Variants in PRDM1 observed in about 807,000 individuals in gnomAD.
PRDM1 encodes the protein PR/SET domain 1, also known as PR domain zinc finger protein 1.
PRDM1 carries 13 observed loss-of-function variants against 62.8 expected under a neutral mutation model. That is an observed-to-expected ratio of 0.21 (90% CI 0.13 to 0.33). The LOEUF (loss-of-function observed/expected upper bound fraction) is 0.33. PRDM1 is among the 10% of genes least tolerant of loss of function. The pLI is 1.00. For synonymous variants in PRDM1, 396 were observed against 417.6 expected, an observed-to-expected ratio of 0.95 and a Z score of 0.63; for missense variants, 895 against 1,058.8, an observed-to-expected ratio of 0.85 and a Z score of 2.15.
Position 106,108,397 on chromosome 6 carries a change from TGAA to T in PRDM1, c.*918_*920del, listed in dbSNP as rs1389168620. 1.3e-5 allele frequency: 3 copies of T among 233,064 alleles called. No individual in the cohort carries two copies. The highest frequency in any genetic ancestry group is 1.7e-5 in the Non-Finnish European group (2 of 117,946). The allele number at this position is 233,064 out of a possible 1,614,324, so 14.4% of individuals were successfully genotyped here. On this transcript the variant is annotated 3_prime_UTR_variant, in exon 7 of 7. Transcript: ENST00000369096. ...GCATCCATTGTATTATCAGAAAATGTGAAGAAGAAAAAAATGCCATGTTTTAAA... is the reference window on the plus strand; with the variant it reads ...GCATCCATTGTATTATCAGAAAATGTGAAGAAAAAAATGCCATGTTTTAAA...
At chr6:106,103,133 C>G (rs918935018) in intron 4 of PRDM1, among the ~76,000 whole-genome samples, 9 of 152,158 alleles carry the variant, frequency 5.9e-5, no homozygotes, top group Non-Finnish European at 8.8e-5. Flanking sequence ...ATCACGGCCC[C>G]CCCGTCAGCA....
At chr6:106,009,044 T>C (rs1772513724) in intron 1 of PRDM1, among the ~76,000 whole-genome samples, 1 of 152,226 alleles carries the variant, frequency 6.6e-6, no homozygotes, top group African/African-American at 2.4e-5. Flanking sequence ...GCAGTGGTTA[T>C]ATTCTGCCAC....
At chr6:106,034,178 T>TTTTTTGGTTATCTTTTAAGAACTAGTG (rs1772890609) in intron 1 of PRDM1, among the ~76,000 whole-genome samples, 1 of 152,070 alleles carries the variant, frequency 6.6e-6, no homozygotes, top group Non-Finnish European at 1.5e-5. Context: ...GATTTGCCCC[T>TTTTTTGGTTATCTTTTAAGAACTAGTG]TTTTTGGTTA....
At chr6:106,064,674 C>T (rs1317489117) in intron 1 of PRDM1, among the ~76,000 whole-genome samples, 2 of 152,106 alleles carry the variant, frequency 1.3e-5, no homozygotes, top group Non-Finnish European at 1.5e-5. Context: ...CAGATGTTTC[C>T]AGAGCTGGTT....
chr6:106,006,144 G>A (rs1306029938), intron 1 of PRDM1, among the ~76,000 whole-genome samples: 2 of 152,202 alleles, frequency 1.3e-5, no homozygotes, highest in Non-Finnish European at 2.9e-5. Flanking sequence ...TCTGGGGACA[G>A]CAGGAACTTG....
At chr6:105,997,569 C>T (rs987075151) in intron 1 of PRDM1, among the ~76,000 whole-genome samples, 3 of 152,218 alleles carry the variant, frequency 2.0e-5, no homozygotes, top group Non-Finnish European at 4.4e-5. Context: ...GTCTCCTTAA[C>T]GGGTTAGCGG....
At chr6:105,997,559 G>T (rs932863664) in intron 1 of PRDM1, among the ~76,000 whole-genome samples, 1 of 152,164 alleles carries the variant, frequency 6.6e-6, no homozygotes, top group Admixed American at 6.5e-5. Context: ...GCCTAGTCTT[G>T]TCTCCTTAAC....
chr6:106,063,690 C>A (rs937196347), intron 1 of PRDM1, among the ~76,000 whole-genome samples: 1 of 152,134 alleles, frequency 6.6e-6, no homozygotes, highest in African/African-American at 2.4e-5. Context: ...TTGACCAAAT[C>A]ATTTGTTAGC....
At chr6:106,083,817 T>G (rs1773739232), upstream of PRDM1, among the ~76,000 whole-genome samples, 1 of 152,200 alleles carries the variant, frequency 6.6e-6, no homozygotes, top group South Asian at 2.1e-4. Flanking sequence ...AAACAAACCC[T>G]TTGAGACATA....
chr6:106,069,764 G>A (rs775941037), intron 1 of PRDM1, among the ~76,000 whole-genome samples: 1 of 152,154 alleles, frequency 6.6e-6, no homozygotes, highest in Non-Finnish European at 1.5e-5. Flanking sequence ...ATGCACTCTC[G>A]TGTGCTCCAC....
Position 105,998,235 on chromosome 6 carries a change from C to T in PRDM1, c.-67+4596C>T, listed in dbSNP as rs571821827. Among the ~76,000 whole-genome samples the T allele has an allele frequency of 5.3e-5, 8 of 152,062 alleles. No homozygotes were observed. The South Asian group carries it at 8.3e-4, about 16-fold the overall frequency. On this transcript the variant is annotated intron_variant, in intron 1 of 6. Transcript: ENST00000652320. ...CTGAAAGCTTGTGGCAAAATATTAA[C>T]GTTTTTTCAATTTCTTAATTGAAAG...
chr6:106,062,508 C>G (rs1384020004), intron 1 of PRDM1, among the ~76,000 whole-genome samples: 1 of 152,276 alleles, frequency 6.6e-6, no homozygotes, highest in East Asian at 1.9e-4. Flanking sequence ...AGGAAGCTGG[C>G]TCTTACTAAA....
chr6:106,048,216 C>CAAA (rs71006668), upstream of PRDM1, among the ~76,000 whole-genome samples: 239 of 110,024 alleles, frequency 2.2e-3, no homozygotes, highest in South Asian at 4.7e-3. Context: ...CCATCTCTAC[C>CAAA]AAAAAAAAAA....
Position 106,109,796 on chromosome 6 carries a change from A to C in PRDM1, c.*2310A>C, listed in dbSNP as rs984649659. 8.6e-6 allele frequency: 2 copies of C among 233,070 alleles called. No homozygotes were observed. The highest frequency in any genetic ancestry group is 2.2e-5 in the African/African-American group (1 of 45,320). The allele number at this position is 233,070 out of a possible 1,614,324, so 14.4% of individuals were successfully genotyped here. The stretch of plus-strand genomic sequence containing the variant: ...AGTGGTTTTATTTTTTCCTCTACTC[A>C]AAGTTAAAACTGACCAAAGTTACTG... On this transcript the variant is annotated 3_prime_UTR_variant, in exon 7 of 7. Transcript: ENST00000369096.
At chr6:106,063,049 G>C (rs143980606) in intron 1 of PRDM1, among the ~76,000 whole-genome samples, 1 of 152,266 alleles carries the variant, frequency 6.6e-6, no homozygotes, top group African/African-American at 2.4e-5. Context: ...TCCTTTCGTT[G>C]TGTTGTTTTC....
At chr6:106,098,892 T>C (rs1774186837) in intron 3 of PRDM1, 1 of 1,511,484 alleles carries the variant, frequency 6.6e-7, no homozygotes, top group South Asian at 1.3e-5. Context: ...CTTGGTCTTC[T>C]ACCCAGTGAC....
chr6:106,105,719 G>A lies in PRDM1; in HGVS notation c.1559G>A (p.Gly520Glu), dbSNP rs960785645. The change falls in exon 5 of 7, where the codon GGA becomes GAA. Residue 520 changes from glycine to glutamate, a missense_variant. By Grantham distance (98) the Gly-to-Glu change is moderately conservative. Transcript: ENST00000369096. ...CSPTSGSPTA[G>E]TAATAEHVVQ... is the part of the protein sequence containing the mutation. Reference sequence around the variant, plus strand: ...CCCACAAGCGGGTCTCCCACGGCGGGAACAGCCGCCACGGCAGAACATGTG... The same window carrying A: ...CCCACAAGCGGGTCTCCCACGGCGGAAACAGCCGCCACGGCAGAACATGTG... The A allele has an allele frequency of 3.1e-6, 5 of 1,613,720 alleles. No individual in the cohort carries two copies. The highest frequency in any genetic ancestry group is 3.4e-6 in the Non-Finnish European group (4 of 1,179,876).
rs762560766 is a variant in PRDM1, at chr6:106,107,409, A to T, written c.2401A>T (p.Lys801Ter). 5 of 1,614,128 alleles carry T rather than the reference A, an allele frequency of 3.1e-6. No individual in the cohort carries two copies. Among genetic ancestry groups the T allele is most frequent in the Non-Finnish European group, 4.2e-6 (5 of 1,180,016 alleles). ...TGAGTCATCAGATCTACCCCTCATG[A>T]AGTTGCCTCCCAGCAACCCACTACC... is the stretch of plus-strand genomic sequence containing the variant. ...LYESSDLPLM[K>*]LPPSNPLPLV... The change falls in exon 7 of 7, where the codon AAG becomes TAG. Residue 801 changes from lysine to a stop codon, truncating the protein, a stop_gained. Coordinates refer to ENST00000369096, the MANE Select transcript of PRDM1 (RefSeq NM_001198.4). LOFTEE classifies it high-confidence loss of function.
intron 1 of PRDM1, among the ~76,000 whole-genome samples, chr6:106,068,403 C>T (rs1773465731): frequency 6.6e-6 from 1 of 152,098 alleles, no homozygotes; most frequent in South Asian, 2.1e-4. Context: ...ACCCTGTTCT[C>T]CTCAGAGTAG....
Sources: allele counts gnomAD v4.1 joint callset (sites outside exome capture counted in the v4.1 genomes callset), GRCh38; gene constraint gnomAD v4.1.1; transcripts MANE v1.5; gene names NCBI Gene and HGNC (gene_info 2026-07-23, HGNC 2026-07-21).